Variants in RFX3 observed in about 807,000 individuals in gnomAD.
The protein encoded by RFX3 is transcription factor RFX3.
RFX3 carries 14 observed loss-of-function variants against 98.6 expected under a neutral mutation model. The ratio of observed to expected loss-of-function variants is 0.14; its 90% confidence interval spans 0.09 to 0.22. The LOEUF (loss-of-function observed/expected upper bound fraction) is 0.22, where lower values mean the gene tolerates loss of function less well. RFX3 is among the 10% of genes least tolerant of loss of function. RFX3 has a pLI of 1.00. For missense variants in RFX3, 639 were observed against 926.9 expected (o/e 0.69, Z 4.03); for synonymous variants, 383 against 328.4 (o/e 1.17, Z -1.80).
chr9:3,348,663 TC>T (rs1396404149), intron 2 of RFX3, among the ~76,000 whole-genome samples: 2 of 152,034 alleles, frequency 1.3e-5, no homozygotes, highest in Non-Finnish European at 2.9e-5. Context: ...AATGACTTTA[TC>T]CCCCAGTACC....
chr9:3,433,091 C>A (rs556709356), intron 1 of RFX3, among the ~76,000 whole-genome samples: 29 of 152,228 alleles, frequency 1.9e-4, no homozygotes, highest in African/African-American at 6.3e-4. Flanking sequence ...AAAAAGGCGG[C>A]CCCATACATG....
At chr9:3,498,007 T>C (rs774953316) in intron 1 of RFX3, among the ~76,000 whole-genome samples, 3 of 152,028 alleles carry the variant, frequency 2.0e-5, no homozygotes, top group Non-Finnish European at 2.9e-5. Flanking sequence ...TATTAGCATG[T>C]GTGTATATTT....
intron 14 of RFX3, among the ~76,000 whole-genome samples, chr9:3,252,792 G>A (rs1463841089): frequency 6.6e-6 from 1 of 151,914 alleles, no homozygotes; most frequent in Non-Finnish European, 1.5e-5. Flanking sequence ...AAATTCTGTT[G>A]GAAGTTTAAA....
At chr9:3,512,418 T>C (rs952707027) in intron 1 of RFX3, among the ~76,000 whole-genome samples, 3 of 151,974 alleles carry the variant, frequency 2.0e-5, no homozygotes, top group African/African-American at 7.2e-5. Context: ...TATACATTTA[T>C]GGTACACAGT....
chr9:3,304,315 A>C (rs1204770326), intron 4 of RFX3, among the ~76,000 whole-genome samples: 4 of 151,866 alleles, frequency 2.6e-5, no homozygotes, highest in African/African-American at 9.7e-5. Context: ...TTTTTAAAAA[A>C]CAGTTTCTTT....
chr9:3,253,923 A>G (rs1055407615), intron 14 of RFX3, among the ~76,000 whole-genome samples: 1 of 152,160 alleles, frequency 6.6e-6, no homozygotes, highest in Non-Finnish European at 1.5e-5. Context: ...TCAGTAAAAA[A>G]CAGTTCAGAT....
intron 2 of RFX3, among the ~76,000 whole-genome samples, chr9:3,363,641 C>T (rs1430388099): frequency 6.6e-6 from 1 of 152,026 alleles, no homozygotes. Flanking sequence ...TGCAAAAATC[C>T]TAAGGTGAAG....
rs1038232256 is a variant in RFX3, at chr9:3,218,762, A to C, written c.*6280T>G. ...TATCTCACACATACAATCTCTACAA[A>C]AGTTGCTTACCTCATTTACATAATA... is the stretch of plus-strand genomic sequence containing the variant. On this transcript the variant is annotated 3_prime_UTR_variant, in exon 17 of 17. Coordinates refer to ENST00000617270, the MANE Select transcript of RFX3 (RefSeq NM_001282116.2). 1 of 152,158 alleles carries C rather than the reference A, an allele frequency of 6.6e-6. No individual in the cohort carries two copies. The highest frequency in any genetic ancestry group is 2.4e-5 in the African/African-American group (1 of 41,446). The allele number at this position is 152,158 out of a possible 1,614,324, so 9.4% of individuals were successfully genotyped here.
Position 3,456,538 on chromosome 9 carries a change from G to C in RFX3, c.-8-60942C>G, listed in dbSNP as rs1012607159. Among the ~76,000 whole-genome samples, 19 of 151,164 alleles carry C rather than the reference G, an allele frequency of 1.3e-4. 1 individual carries two copies. The highest frequency in any genetic ancestry group is 1.1e-3 in the Admixed American group (17 of 15,150). ...AAGTCCATGATAAAAATGATTAATA[G>C]AACAAAGTGAAAAAAACGGCCACAT... is the stretch of plus-strand genomic sequence containing the variant. On this transcript the variant is annotated intron_variant, in intron 1 of 16. Coordinates refer to ENST00000617270, the MANE Select transcript of RFX3 (RefSeq NM_001282116.2).
intron 7 of RFX3, among the ~76,000 whole-genome samples, chr9:3,286,932 T>C (rs1826683941): frequency 6.6e-6 from 1 of 151,902 alleles, no homozygotes; most frequent in Non-Finnish European, 1.5e-5. Flanking sequence ...GCACTTTCTC[T>C]AGAAACTTCC....
intron 1 of RFX3, among the ~76,000 whole-genome samples, chr9:3,518,595 GA>G (rs1309642872): frequency 6.6e-6 from 1 of 152,130 alleles, no homozygotes; most frequent in Admixed American, 6.5e-5. Context: ...ACTGTTTATA[GA>G]TCACTCTAAA....
chr9:3,469,679 A>T (rs1361966082), intron 1 of RFX3, among the ~76,000 whole-genome samples: 2 of 152,054 alleles, frequency 1.3e-5, no homozygotes, highest in Admixed American at 1.3e-4. Context: ...CTTTCAAATA[A>T]TTTTTTAGAC....
In RFX3 at chr9:3,471,076, G is replaced by T. The variant is rs1216477704; in HGVS notation, c.-9+54671C>A. ...GATGTTGATTATTTTATACAGATGA[G>T]AGTACTGAAATTCAAAAAGATTGTG... On this transcript the variant is annotated intron_variant, in intron 1 of 16. Coordinates refer to ENST00000617270, the MANE Select transcript of RFX3 (RefSeq NM_001282116.2). 2.6e-5 allele frequency among the ~76,000 whole-genome samples: 4 copies of T among 152,230 alleles called. No individual in the cohort carries two copies. In the South Asian group the frequency reaches 8.3e-4, roughly 32 times the overall value.
chr9:3,405,946 GT>G (rs1441299618), intron 1 of RFX3, among the ~76,000 whole-genome samples: 1 of 151,848 alleles, frequency 6.6e-6, no homozygotes, highest in Non-Finnish European at 1.5e-5. Flanking sequence ...GGGGCATTTG[GT>G]TTTTTGTCTT....
intron 1 of RFX3, among the ~76,000 whole-genome samples, chr9:3,518,183 C>G (rs955370657): frequency 6.6e-6 from 1 of 152,136 alleles, no homozygotes; most frequent in Non-Finnish European, 1.5e-5. Flanking sequence ...CTATGATGTT[C>G]ACACAATGAT....
intron 4 of RFX3, among the ~76,000 whole-genome samples, chr9:3,329,237 T>C (rs923587300): frequency 4.0e-5 from 6 of 151,498 alleles, no homozygotes; most frequent in African/African-American, 1.5e-4. Context: ...TGAAACTCCA[T>C]CTCTACTAAA....
rs190575577 is a variant in RFX3 at position 3,315,737 on chromosome 9, C to T, written c.475-14117G>A. 4.2e-4 allele frequency among the ~76,000 whole-genome samples: 64 copies of T among 152,270 alleles called. 1 individual carries two copies. Among genetic ancestry groups the T allele is most frequent in the African/African-American group, 1.5e-3 (62 of 41,564 alleles). On this transcript the variant is annotated intron_variant, in intron 4 of 16. Transcript: ENST00000617270. ...AAATACAAACTACCATCAGAAAATACTATAAACACCACTATGCAAATAAAC... is the reference window on the plus strand; with the variant it reads ...AAATACAAACTACCATCAGAAAATATTATAAACACCACTATGCAAATAAAC...
intron 1 of RFX3, among the ~76,000 whole-genome samples, chr9:3,429,485 G>A (rs935606410): frequency 1.3e-5 from 2 of 151,084 alleles, no homozygotes; most frequent in Non-Finnish European, 2.9e-5. Context: ...AACTATTTTC[G>A]GATTTTCTAG....
chr9:3,420,969 G>A, intron 1 of RFX3: 1 of 961,820 alleles, frequency 1.0e-6, no homozygotes, highest in East Asian at 1.2e-4. Context: ...ACTAGCCTAA[G>A]GAGTAATGAA....
Sources: allele counts gnomAD v4.1 joint callset (sites outside exome capture counted in the v4.1 genomes callset), GRCh38; gene constraint gnomAD v4.1.1; transcripts MANE v1.5; gene names NCBI Gene and HGNC (gene_info 2026-07-23, HGNC 2026-07-21).